The following WDPCP variants were observed in gnomAD, a reference collection of about 807,000 sequenced individuals.
The protein encoded by WDPCP is WD repeat containing planar cell polarity effector, also known as WD repeat-containing and planar cell polarity effector protein fritz homolog.
WDPCP carries 71 observed loss-of-function variants against 93.1 expected under a neutral mutation model. The observed-to-expected ratio is 0.76, with a 90% confidence interval of 0.63 to 0.93. The LOEUF is 0.93. Ranked by LOEUF, WDPCP falls within the 40% of genes least tolerant of loss-of-function variation. The pLI, the probability that WDPCP is intolerant of heterozygous loss-of-function variation, is 0.00. For synonymous variants in WDPCP, 315 were observed against 315.0 expected (o/e 1.00, Z 0.00); for missense variants, 844 against 887.4 (o/e 0.95, Z 0.62).
At chr2:63,712,082 C>A (rs879794021) in intron 2 of WDPCP, among the ~76,000 whole-genome samples, 1 of 152,096 alleles carries the variant, frequency 6.6e-6, no homozygotes, top group Non-Finnish European at 1.5e-5. Flanking sequence ...TCTATTTTGG[C>A]GTAATGGGAC....
chr2:63,154,554 A>G (rs982888073), intron 15 of WDPCP, among the ~76,000 whole-genome samples: 2 of 152,150 alleles, frequency 1.3e-5, no homozygotes, highest in Non-Finnish European at 2.9e-5. Flanking sequence ...CACCTGTTGA[A>G]GGGTATTTTT....
Position 63,816,509 on chromosome 2 carries a change from GAC to G in WDPCP, n.223-2804_223-2803del, listed in dbSNP as rs564303193. Among the ~76,000 whole-genome samples the G allele has an allele frequency of 4.6e-5, 7 of 152,254 alleles. 1 individual carries two copies. In the South Asian group the frequency reaches 1.5e-3, roughly 32 times the overall value. On this transcript the variant is annotated intron_variant and non_coding_transcript_variant, in intron 1 of 4. Coordinates refer to the WDPCP transcript ENST00000467687. ...GACACAGGGAGAAAGGCCATATAAA[GAC>G]AGAGGCAGAGACTGGAGTTATGCTG...
intron 13 of WDPCP, among the ~76,000 whole-genome samples, chr2:63,302,089 G>T (rs971980210): frequency 5.9e-5 from 9 of 152,164 alleles, no homozygotes; most frequent in African/African-American, 2.2e-4. Flanking sequence ...GCCCCTTCAA[G>T]TTCCCTTGTC....
chr2:63,659,284 A>T (rs1710201296), intron 2 of WDPCP, among the ~76,000 whole-genome samples: 1 of 152,252 alleles, frequency 6.6e-6, no homozygotes, highest in South Asian at 2.1e-4. Flanking sequence ...CATTAAAACT[A>T]GATATCGTGA....
rs115779081 is a variant in WDPCP at position 63,280,193 on chromosome 2, A to C, written c.1813-20784T>G. Reference sequence around the variant, plus strand: ...TGCTGCTGATAAAGACATACCCAAAAGTGGGAACAAAAAGAAGTTTAATTG... The same window carrying C: ...TGCTGCTGATAAAGACATACCCAAACGTGGGAACAAAAAGAAGTTTAATTG... On this transcript the variant is annotated intron_variant, in intron 13 of 17. Transcript: ENST00000272321. 1.7e-3 allele frequency among the ~76,000 whole-genome samples: 259 copies of C among 152,326 alleles called. 2 individuals carry two copies. The highest frequency in any genetic ancestry group is 3.2e-3 in the Admixed American group (49 of 15,296).
intron 2 of WDPCP, among the ~76,000 whole-genome samples, chr2:63,686,672 A>G (rs2103652784): frequency 6.6e-6 from 1 of 152,250 alleles, no homozygotes; most frequent in Non-Finnish European, 1.5e-5. Flanking sequence ...ATCACATTAT[A>G]CTACAGTACT....
At position 63,737,410 on chromosome 2, in the gene WDPCP, T is replaced by TG. The variant is rs555740042; in HGVS notation, n.308+76211dup. On this transcript the variant is annotated intron_variant and non_coding_transcript_variant, in intron 2 of 4. Coordinates refer to the WDPCP transcript ENST00000467687. Reference sequence around the variant, plus strand: ...ACTAGGTCTTATATTACAGACACTTTGGGGTCACAGAACTCAGAGACAGAT... The same window carrying TG: ...ACTAGGTCTTATATTACAGACACTTTGGGGGTCACAGAACTCAGAGACAGAT... 1.5e-3 allele frequency among the ~76,000 whole-genome samples: 233 copies of TG among 152,344 alleles called. 1 individual carries two copies. The highest frequency in any genetic ancestry group is 5.2e-3 in the African/African-American group (215 of 41,596).
At chr2:63,269,003 A>T (rs1227080724) in intron 13 of WDPCP, among the ~76,000 whole-genome samples, 1 of 152,212 alleles carries the variant, frequency 6.6e-6, no homozygotes, top group African/African-American at 2.4e-5. Context: ...GAGAGCCATC[A>T]TGAAACATTG....
Position 63,313,247 on chromosome 2 carries a change from C to T in WDPCP, c.1812+1G>A, listed in dbSNP as rs779182532. Reference sequence around the variant, plus strand: ...CAAAATCATCTCTGAAAATGACTCACCATAAAGAGGTCACGAGCACCAACG... The same window carrying T: ...CAAAATCATCTCTGAAAATGACTCATCATAAAGAGGTCACGAGCACCAACG... On this transcript the variant is annotated splice_donor_variant, in intron 13 of 17. Coordinates refer to ENST00000272321, the MANE Select transcript of WDPCP (RefSeq NM_015910.7). LOFTEE classifies it high-confidence loss of function. 6.2e-7 allele frequency: 1 copy of T among 1,613,320 alleles called. No individual in the cohort carries two copies. Among genetic ancestry groups the T allele is most frequent in the Non-Finnish European group, 8.5e-7 (1 of 1,179,506 alleles).
intron 17 of WDPCP, among the ~76,000 whole-genome samples, chr2:63,148,450 G>A (rs1229968280): frequency 6.6e-6 from 1 of 152,130 alleles, no homozygotes; most frequent in Non-Finnish European, 1.5e-5. Flanking sequence ...AACGATTCTT[G>A]TGTCTCAGTC....
chr2:63,225,680 A>C (rs1299323328), intron 14 of WDPCP, among the ~76,000 whole-genome samples: 2 of 151,922 alleles, frequency 1.3e-5, no homozygotes, highest in African/African-American at 4.8e-5. Context: ...ACATAACAAT[A>C]TGGGTGCATT....
intron 14 of WDPCP, among the ~76,000 whole-genome samples, chr2:63,252,246 T>TA (rs947188391): frequency 1.1e-4 from 17 of 152,020 alleles, no homozygotes; most frequent in African/African-American, 4.1e-4. Context: ...TCCTCCTTGA[T>TA]AAAAAACCCT....
chr2:63,595,626 AT>A, intron 3 of WDPCP: 1 of 692,170 alleles, frequency 1.4e-6, no homozygotes, highest in Non-Finnish European at 2.5e-6. Context: ...TCATAAGAGG[AT>A]TTTTTTATTT....
intron 1 of WDPCP, among the ~76,000 whole-genome samples, chr2:63,501,252 C>A (rs1701530352): frequency 1.3e-5 from 2 of 151,990 alleles, no homozygotes; most frequent in South Asian, 2.1e-4. Flanking sequence ...AGCTTTAGAA[C>A]CTAAAAGTGT....
In WDPCP at chr2:63,382,026, A is replaced by T; in HGVS notation, c.1504T>A (p.Tyr502Asn). 1 of 1,613,486 alleles carries T rather than the reference A, an allele frequency of 6.2e-7. No homozygotes were observed. Among genetic ancestry groups the T allele is most frequent in the Non-Finnish European group, 8.5e-7 (1 of 1,179,710 alleles). Reference protein sequence around the residue: ...IFQYIHCDEIYEAINILSSMN... With the variant: ...IFQYIHCDEINEAINILSSMN... ...CTGCTCAGGATGTTTATTGCCTCAT[A>T]GATCTCATCACAGTGAATGTACTGG... The change falls in exon 11 of 18, where the codon TAT becomes AAT. Residue 502 changes from tyrosine (Y) to asparagine (N), a missense_variant. Coordinates refer to ENST00000272321, the MANE Select transcript of WDPCP (RefSeq NM_015910.7).
intron 6 of WDPCP, among the ~76,000 whole-genome samples, chr2:63,480,020 T>G (rs760312556): frequency 2.6e-5 from 4 of 152,088 alleles, no homozygotes; most frequent in Non-Finnish European, 5.9e-5. Flanking sequence ...ACTGATAAAC[T>G]AATTCAGTAA....
chr2:63,837,203 T>C, the WDPCP span, among the ~76,000 whole-genome samples: 4 of 152,220 alleles, frequency 2.6e-5, no homozygotes, highest in African/African-American at 9.6e-5. Context: ...GGAAACCCAT[T>C]CATTTTTAGA....
chr2:63,275,368 A>C (rs985565172), intron 13 of WDPCP, among the ~76,000 whole-genome samples: 1 of 152,194 alleles, frequency 6.6e-6, no homozygotes, highest in African/African-American at 2.4e-5. Flanking sequence ...TATTTCTTCT[A>C]AGAACTGAAC....
chr2:63,162,738 A>T (rs1004361818), intron 15 of WDPCP, among the ~76,000 whole-genome samples: 1 of 152,180 alleles, frequency 6.6e-6, no homozygotes, highest in South Asian at 2.1e-4. Flanking sequence ...TTTGAATGCA[A>T]CTTATGAAGT....
Sources: allele counts gnomAD v4.1 joint callset (sites outside exome capture counted in the v4.1 genomes callset), GRCh38; gene constraint gnomAD v4.1.1; transcripts MANE v1.5; gene names NCBI Gene and HGNC (gene_info 2026-07-23, HGNC 2026-07-21).